PBX1: variants seen among roughly 807,000 people sequenced by gnomAD.
PBX1 encodes PBX homeobox 1.
PBX1 carries 6 observed loss-of-function variants against 53.4 expected under a neutral mutation model. The ratio of observed to expected loss-of-function variants is 0.11; its 90% CI spans 0.06 to 0.22. The LOEUF is 0.22. Among genes scored for constraint, PBX1 ranks in the 10% least tolerant of loss-of-function variants. The probability of loss-of-function intolerance (pLI) is 1.00; values close to 1 mark genes in which losing one functional copy is unlikely to be tolerated. For missense variants in PBX1, 251 were observed against 551.4 expected, an observed-to-expected ratio of 0.46 and a Z score of 5.46; for synonymous variants, 204 against 212.3, an observed-to-expected ratio of 0.96 and a Z score of 0.34.
intron 2 of PBX1, among the ~76,000 whole-genome samples, chr1:164,696,944 T>G (rs1014740175): frequency 6.6e-5 from 10 of 152,324 alleles, no homozygotes; most frequent in Admixed American, 2.0e-4. Context: ...GGAGTCAGAC[T>G]GACCCAAATT....
At chr1:164,786,005 T>G (rs945635162) in intron 2 of PBX1, among the ~76,000 whole-genome samples, 1 of 152,164 alleles carries the variant, frequency 6.6e-6, no homozygotes, top group Admixed American at 6.5e-5. Context: ...TGACAGTTTT[T>G]TGAAGTGGAT....
chr1:164,684,554 A>G (rs1661983485), intron 2 of PBX1: 1 of 152,204 alleles, frequency 6.6e-6, no homozygotes. Context: ...CAGTCCTTTC[A>G]CTGAAAAGAC....
rs1027022131 is a variant in PBX1, at chr1:164,559,359, GA to G, written c.-461del. On this transcript the variant is annotated 5_prime_UTR_variant, in exon 1 of 9. Transcript: ENST00000420696. ...TGGGGGGCAGCGGGGGGTGGGGGGG[GA>G]AAGTTTGCATTGCAATCCCCCTGCC... The G allele has an allele frequency of 1.9e-4, 37 of 199,222 alleles. No individual in the cohort carries two copies. Among genetic ancestry groups the G allele is most frequent in the East Asian group, 3.1e-4 (4 of 12,764 alleles). 12.3% of individuals were successfully genotyped at this position (199,222 alleles called of 1,614,324 possible).
intron 2 of PBX1, among the ~76,000 whole-genome samples, chr1:164,721,428 AGTGTGT>A (rs112904192): frequency 1.3e-5 from 2 of 149,442 alleles, no homozygotes; most frequent in Non-Finnish European, 3.0e-5. Flanking sequence ...GTGGCAGTGT[AGTGTGT>A]GTGTGTGTGT....
intron 8 of PBX1, among the ~76,000 whole-genome samples, chr1:164,841,010 C>T (rs1301391939): frequency 1.3e-5 from 2 of 152,066 alleles, no homozygotes; most frequent in Admixed American, 6.6e-5. Context: ...GGCGATGTGT[C>T]GGGCACTGTG....
At chr1:164,581,863 G>A (rs1326980962) in intron 2 of PBX1, among the ~76,000 whole-genome samples, 1 of 152,048 alleles carries the variant, frequency 6.6e-6, no homozygotes, top group African/African-American at 2.4e-5. Context: ...CAGTTTTCTT[G>A]TGTTTACATT....
chr1:164,784,698 G>A (rs182816160), intron 2 of PBX1, among the ~76,000 whole-genome samples: 12 of 152,254 alleles, frequency 7.9e-5, no homozygotes, highest in Admixed American at 2.0e-4. Context: ...AGAGCTCCTC[G>A]CAGGACCACG....
chr1:164,638,549 G>A (rs1401274871), intron 2 of PBX1, among the ~76,000 whole-genome samples: 1 of 152,168 alleles, frequency 6.6e-6, no homozygotes, highest in Admixed American at 6.5e-5. Flanking sequence ...TGAATATAAA[G>A]CCACCAGTTT....
At chr1:164,857,013 T>C (rs1357446078) in intron 2 of PBX1, among the ~76,000 whole-genome samples, 2 of 152,134 alleles carry the variant, frequency 1.3e-5, no homozygotes, top group East Asian at 3.9e-4. Flanking sequence ...TGAGAAGTTT[T>C]CTTCCAATTC....
Position 164,563,185 on chromosome 1 carries a change from G to C in PBX1, c.192-53G>C, listed in dbSNP as rs954711955. ...AATGTTTTCACCCTGTGCATTATCG[G>C]CAGTTTGATCTTGAGAGTCCACCTA... On this transcript the variant is annotated intron_variant, in intron 1 of 8. Transcript: ENST00000420696. The C allele has an allele frequency of 1.9e-4, 231 of 1,224,540 alleles. 1 individual carries two copies. The highest frequency in any genetic ancestry group is 2.7e-4 in the Non-Finnish European group (223 of 837,206). The allele number at this position is 1,224,540 out of a possible 1,614,324, so 75.9% of individuals were successfully genotyped here. A position where few individuals can be genotyped will look rare whatever the true frequency, so the allele number is the denominator to read the frequency against.
chr1:164,868,654 C>G (rs1672277426), intron 2 of PBX1, among the ~76,000 whole-genome samples: 1 of 152,162 alleles, frequency 6.6e-6, no homozygotes, highest in Non-Finnish European at 1.5e-5. Flanking sequence ...TCCTAAAGAG[C>G]TCTTGCTTTC....
At chr1:164,731,835 G>T (rs1665005387) in intron 2 of PBX1, among the ~76,000 whole-genome samples, 1 of 152,190 alleles carries the variant, frequency 6.6e-6, no homozygotes, top group Non-Finnish European at 1.5e-5. Flanking sequence ...GAGCTCGGCG[G>T]CCTGTGTGAG....
At chr1:164,694,954 G>A (rs1165401840) in intron 2 of PBX1, among the ~76,000 whole-genome samples, 1 of 152,058 alleles carries the variant, frequency 6.6e-6, no homozygotes, top group Non-Finnish European at 1.5e-5. Flanking sequence ...TCGCATCTGA[G>A]GCCTGCCAGG....
At chr1:164,793,668 A>G (rs1668633226) in intron 3 of PBX1, among the ~76,000 whole-genome samples, 1 of 152,056 alleles carries the variant, frequency 6.6e-6, no homozygotes. Flanking sequence ...TAAGCATGCT[A>G]CTTTATCAGG....
At chr1:164,622,401 G>T (rs908061387) in intron 2 of PBX1, among the ~76,000 whole-genome samples, 2 of 152,202 alleles carry the variant, frequency 1.3e-5, no homozygotes, top group African/African-American at 4.8e-5. Flanking sequence ...GGACTCCAAA[G>T]TTCTGGATTG....
chr1:164,655,099 T>TG (rs1451789388), intron 2 of PBX1, among the ~76,000 whole-genome samples: 1 of 34,448 alleles, frequency 2.9e-5, no homozygotes, highest in East Asian at 8.3e-4. Flanking sequence ...CTCTGATGTG[T>TG]GTTTTTTTTT....
intron 2 of PBX1, among the ~76,000 whole-genome samples, chr1:164,766,779 C>A (rs1667081456): frequency 6.7e-6 from 1 of 149,468 alleles, no homozygotes; most frequent in South Asian, 2.1e-4. Context: ...TGTCACCCAG[C>A]CTGGAATGCA....
intron 2 of PBX1, among the ~76,000 whole-genome samples, chr1:164,634,122 A>C (rs1557904724): frequency 3.3e-5 from 5 of 152,154 alleles, no homozygotes; most frequent in Admixed American, 2.0e-4. Flanking sequence ...TGTCTTCTGG[A>C]CCTGCACAGT....
intron 2 of PBX1, among the ~76,000 whole-genome samples, chr1:164,668,252 C>T (rs1660916840): frequency 6.6e-6 from 1 of 152,102 alleles, no homozygotes; most frequent in African/African-American, 2.4e-5. Flanking sequence ...CCTAGGAAGA[C>T]CTTTGTTTAC....
Sources: gnomAD v4.1 joint callset for allele counts (sites outside exome capture counted in the v4.1 genomes callset) on GRCh38, gnomAD v4.1.1 for gene constraint, MANE v1.5 for transcripts, NCBI Gene and HGNC (gene_info 2026-07-23, HGNC 2026-07-21) for gene names.